WFIKKN2: variants seen among roughly 807,000 people sequenced by gnomAD.
WFIKKN2 encodes the protein WAP, follistatin/kazal, immunoglobulin, kunitz and netrin domain containing 2.
In WFIKKN2, 25 loss-of-function variants were observed where a neutral mutation model predicts 39.2. The observed-to-expected ratio is 0.64, with a 90% CI of 0.47 to 0.89. WFIKKN2 has a LOEUF of 0.89. Among genes scored for constraint, WFIKKN2 ranks in the 40% least tolerant of loss-of-function variants. WFIKKN2 has a pLI of 0.00. For synonymous variants in WFIKKN2, 345 were observed against 329.7 expected (o/e 1.05, Z -0.50); for missense variants, 770 against 811.7 (o/e 0.95, Z 0.62).
In WFIKKN2 at chr17:50,842,279, C is replaced by T. The variant is rs543714719; in HGVS notation, c.*1260C>T. 8.5e-5 allele frequency: 13 copies of T among 152,340 alleles called. No individual in the cohort carries two copies. Among genetic ancestry groups the T allele is most frequent in the African/African-American group, 3.1e-4 (13 of 41,542 alleles). The allele number at this position is 152,340 out of a possible 1,614,324, so 9.4% of individuals were successfully genotyped here. A position where few individuals can be genotyped will look rare whatever the true frequency, so the allele number is the denominator to read the frequency against. Reference sequence around the variant, plus strand: ...CTGCCCCTCCAAGCTGAAGAAGGTCCTTGTGGGGCGTCCTCATTTCTTCCT... The same window carrying T: ...CTGCCCCTCCAAGCTGAAGAAGGTCTTTGTGGGGCGTCCTCATTTCTTCCT... On this transcript the variant is annotated 3_prime_UTR_variant, in exon 2 of 2. Transcript: ENST00000311378.
At chr17:50,838,824 TC>T (rs1170061650) in intron 1 of WFIKKN2, among the ~76,000 whole-genome samples, 4 of 152,124 alleles carry the variant, frequency 2.6e-5, no homozygotes, top group African/African-American at 7.2e-5. Flanking sequence ...CAGCCTCTGT[TC>T]CCCGTGTGTG....
chr17:50,839,258 A>G (rs1377575840), intron 1 of WFIKKN2, among the ~76,000 whole-genome samples: 1 of 152,218 alleles, frequency 6.6e-6, no homozygotes, highest in East Asian at 1.9e-4. Context: ...GAGTGGAGAT[A>G]ATGGCTATAC....
intron 1 of WFIKKN2, among the ~76,000 whole-genome samples, chr17:50,837,554 C>T (rs1341380196): frequency 1.3e-5 from 2 of 152,226 alleles, no homozygotes; most frequent in Non-Finnish European, 2.9e-5. Context: ...CTGGCCAGCT[C>T]TGAGGGCAGC....
At chr17:50,835,290 C>T (rs995670325), upstream of WFIKKN2, 2 of 152,270 alleles carry the variant, frequency 1.3e-5, no homozygotes, top group Admixed American at 6.5e-5. Flanking sequence ...GCTGCAGGTC[C>T]CTCCTCGTAA....
In WFIKKN2 at chr17:50,839,587, AGGGCCCAGT is replaced by A; in HGVS notation, c.304_312del (p.Pro102_Gly104del). On this transcript the variant is annotated inframe_deletion, in exon 2 of 2. Coordinates refer to ENST00000311378, the MANE Select transcript of WFIKKN2 (RefSeq NM_175575.6). ...CGCTACATGGACGTGAAAGGGAAGA[AGGGCCCAGT>A]GGGCATGCCCAAGGAGGCCACATGT... The A allele has an allele frequency of 6.2e-7, 1 of 1,614,216 alleles. No individual in the cohort carries two copies. The highest frequency in any genetic ancestry group is 8.5e-7 in the Non-Finnish European group (1 of 1,180,034).
Position 50,835,887 on chromosome 17 carries a change from C to A in WFIKKN2, c.-51C>A. 1 of 1,575,050 alleles carries A rather than the reference C, an allele frequency of 6.3e-7. No homozygotes were observed. Among genetic ancestry groups the A allele is most frequent in the East Asian group, 2.3e-5 (1 of 44,104 alleles). ...CTGAGAAGAAGGCCCTGGTGGGCCC[C>A]AGACCCTGGCATCGTTTCAGGGGAG... On this transcript the variant is annotated 5_prime_UTR_variant, in exon 1 of 2. Coordinates refer to ENST00000311378, the MANE Select transcript of WFIKKN2 (RefSeq NM_175575.6).
In WFIKKN2 at chr17:50,841,150, G is replaced by GA; in HGVS notation, c.*136dup. On this transcript the variant is annotated 3_prime_UTR_variant, in exon 2 of 2. Coordinates refer to ENST00000311378, the MANE Select transcript of WFIKKN2 (RefSeq NM_175575.6). The stretch of plus-strand genomic sequence containing the variant: ...GGGAAACATCAACCGACGTGTCACA[G>GA]AAAAAGCCACAGAAGGTCTCAGATC... 1 of 953,886 alleles carries GA rather than the reference G, an allele frequency of 1.0e-6. No homozygotes were observed. The highest frequency in any genetic ancestry group is 2.4e-5 in the South Asian group (1 of 42,220). The allele number at this position is 953,886 out of a possible 1,614,324, so 59.1% of individuals were successfully genotyped here.
intron 1 of WFIKKN2, 148 bp downstream of exon 1, chr17:50,836,295 G>C (rs1200470145): frequency 1.0e-6 from 1 of 962,280 alleles, no homozygotes; most frequent in East Asian, 2.6e-5. Context: ...CAGGTGAGTG[G>C]TGTCCGGAAG....
At position 50,840,851 on chromosome 17, in the gene WFIKKN2, C is replaced by T. The variant is rs752151966; in HGVS notation, c.1563C>T (p.Thr521=). 40 of 1,611,000 alleles carry T rather than the reference C, an allele frequency of 2.5e-5. No homozygotes were observed. Among genetic ancestry groups the T allele is most frequent in the African/African-American group, 4.0e-5 (3 of 74,862 alleles). Residue 521 remains threonine (T), a synonymous_variant, in exon 2 of 2, where the codon ACC becomes ACT. Transcript: ENST00000311378. The part of the protein sequence containing the change: ...VDWACPCPNV[T]VSEMPLIIMG... ...GGGCATGCCCCTGCCCCAACGTGAC[C>T]GTGAGCGAGATGCCGCTCATCATCA... is the stretch of plus-strand genomic sequence containing the variant.
intron 1 of WFIKKN2, among the ~76,000 whole-genome samples, chr17:50,838,691 C>T (rs7207028): frequency 6.6e-6 from 1 of 152,004 alleles, no homozygotes; most frequent in Admixed American, 6.5e-5. Flanking sequence ...TTGCTTTTCC[C>T]GTGAAAGGTC....
chr17:50,835,778 G>A lies in WFIKKN2; in HGVS notation c.-160G>A. The A allele has an allele frequency of 4.0e-6, 3 of 740,842 alleles. No individual in the cohort carries two copies. The highest frequency in any genetic ancestry group is 6.5e-6 in the Non-Finnish European group (3 of 464,570). 45.9% of individuals were successfully genotyped at this position (740,842 alleles called of 1,614,324 possible). A position where few individuals can be genotyped will look rare whatever the true frequency, so the allele number is the denominator to read the frequency against. On this transcript the variant is annotated 5_prime_UTR_variant, in exon 1 of 2. It adds an upstream start codon to the 5' untranslated region. Transcript: ENST00000311378. ...CAGCCCGGCAGGCTGTGCTGACTTG[G>A]TGGAGGCAGCAGCGGCAGAGCAGCC...
rs200191688 is a variant in WFIKKN2, at chr17:50,839,825, C to T, written c.537C>T (p.Phe179=). 2 of 1,614,232 alleles carry T rather than the reference C, an allele frequency of 1.2e-6. No individual in the cohort carries two copies. Among genetic ancestry groups the T allele is most frequent in the East Asian group, 2.2e-5 (1 of 44,882 alleles). The part of the protein sequence containing the change: ...TLAVVTCRYH[F]TWPNTSPPPP... ...CCGTTGTAACCTGCCGCTATCACTT[C>T]ACCTGGCCCAACACCAGCCCCCCAC... Residue 179 remains phenylalanine (F), a synonymous_variant, in exon 2 of 2, where the codon TTC becomes TTT. Coordinates refer to ENST00000311378, the MANE Select transcript of WFIKKN2 (RefSeq NM_175575.6).
In WFIKKN2 at chr17:50,841,021, G is replaced by C. The variant is rs1567908809; in HGVS notation, c.*2G>C. On this transcript the variant is annotated 3_prime_UTR_variant, in exon 2 of 2. Transcript: ENST00000311378. Reference sequence around the variant, plus strand: ...AAGGAGTTTCTTGGCTTGCACTGAAGCCCCCCACCCCTCCCTGCCCCCTCC... The same window carrying C: ...AAGGAGTTTCTTGGCTTGCACTGAACCCCCCCACCCCTCCCTGCCCCCTCC... The C allele has an allele frequency of 6.6e-7, 1 of 1,525,194 alleles. No homozygotes were observed. Among genetic ancestry groups the C allele is most frequent in the East Asian group, 2.3e-5 (1 of 43,972 alleles). The allele number at this position is 1,525,194 out of a possible 1,614,324, so 94.5% of individuals were successfully genotyped here.
Position 50,840,205 on chromosome 17 carries a change from G to C in WFIKKN2, c.917G>C (p.Arg306Thr), listed in dbSNP as rs764225855. Residue 306 changes from arginine to threonine, a missense_variant, in exon 2 of 2, where the codon AGG becomes ACG. Arg to Thr is a moderately conservative substitution (Grantham distance 71). Coordinates refer to ENST00000311378, the MANE Select transcript of WFIKKN2 (RefSeq NM_175575.6). ...GCTGATTTCCCGCTGTCGGTGGTCA[G>C]GGGTCATCAGGCTGCAGCCACCTCA... ...LRADFPLSVVRGHQAAATSES... is the reference protein window; with the variant it reads ...LRADFPLSVVTGHQAAATSES... 38 of 1,613,588 alleles carry C rather than the reference G, an allele frequency of 2.4e-5. No homozygotes were observed. Among genetic ancestry groups the C allele is most frequent in the Admixed American group, 1.3e-4 (8 of 60,008 alleles).
Position 50,839,803 on chromosome 17 carries a change from T to C in WFIKKN2, c.515T>C (p.Val172Ala). The change falls in exon 2 of 2, where the codon GTT becomes GCT. Residue 172 changes from valine (V) to alanine (A), a missense_variant. By Grantham distance (64) the Val-to-Ala change is moderately conservative. Transcript: ENST00000311378. ...EACSKGITLAVVTCRYHFTWP... is the reference protein window; with the variant it reads ...EACSKGITLAAVTCRYHFTWP... ...TGCTCCAAAGGCATCACACTGGCCG[T>C]TGTAACCTGCCGCTATCACTTCACC... is the stretch of plus-strand genomic sequence containing the variant. 1 of 1,614,054 alleles carries C rather than the reference T, an allele frequency of 6.2e-7. No individual in the cohort carries two copies. The highest frequency in any genetic ancestry group is 8.5e-7 in the Non-Finnish European group (1 of 1,179,994).
Position 50,841,287 on chromosome 17 carries a change from A to G in WFIKKN2, c.*268A>G, listed in dbSNP as rs1053083796. Reference sequence around the variant, plus strand: ...TACTCGTGACCACCAGCTTGCTCAGATATTCTCCTCCTCCCCTCACTGGCC... The same window carrying G: ...TACTCGTGACCACCAGCTTGCTCAGGTATTCTCCTCCTCCCCTCACTGGCC... On this transcript the variant is annotated 3_prime_UTR_variant, in exon 2 of 2. Coordinates refer to ENST00000311378, the MANE Select transcript of WFIKKN2 (RefSeq NM_175575.6). The G allele has an allele frequency of 3.8e-5, 13 of 343,766 alleles. No homozygotes were observed. In the South Asian group the frequency reaches 1.1e-3, roughly 30 times the overall value. 21.3% of individuals were successfully genotyped at this position (343,766 alleles called of 1,614,324 possible). A position where few individuals can be genotyped will look rare whatever the true frequency, so the allele number is the denominator to read the frequency against.
In WFIKKN2 at chr17:50,835,697, G is replaced by A. The variant is rs116332245; in HGVS notation, c.-241G>A. 2,075 of 550,252 alleles carry A rather than the reference G, an allele frequency of 3.8e-3. 40 individuals are homozygous for A. The highest frequency in any genetic ancestry group is 0.036 in the African/African-American group (1,895 of 52,634). The allele number at this position is 550,252 out of a possible 1,614,324, so 34.1% of individuals were successfully genotyped here. Reference sequence around the variant, plus strand: ...GGCCCCTGCTGTGGCTCCTCTCCCTGCACACTCAGGAGAGGGAGCTTCCTT... The same window carrying A: ...GGCCCCTGCTGTGGCTCCTCTCCCTACACACTCAGGAGAGGGAGCTTCCTT... On this transcript the variant is annotated 5_prime_UTR_variant, in exon 1 of 2. Coordinates refer to ENST00000311378, the MANE Select transcript of WFIKKN2 (RefSeq NM_175575.6).
At position 50,839,956 on chromosome 17, in the gene WFIKKN2, T is replaced by C. The variant is rs750443141; in HGVS notation, c.668T>C (p.Met223Thr). The C allele has an allele frequency of 3.1e-6, 5 of 1,614,000 alleles. No individual in the cohort carries two copies. Among genetic ancestry groups the C allele is most frequent in the Admixed American group, 3.3e-5 (2 of 60,002 alleles). The change falls in exon 2 of 2, where the codon ATG (methionine) becomes ACG (threonine). Residue 223 changes from methionine (M) to threonine (T), a missense_variant. Physicochemically the swap from Met to Thr is moderately conservative, Grantham distance 81 (BLOSUM62 -1). Coordinates refer to ENST00000311378, the MANE Select transcript of WFIKKN2 (RefSeq NM_175575.6). ...AACCCTGTGCACCAGTCGGTCACCATGGGTGAGACAGTGAGCTTCCTCTGT... is the reference window on the plus strand; with the variant it reads ...AACCCTGTGCACCAGTCGGTCACCACGGGTGAGACAGTGAGCTTCCTCTGT... ...LNNPVHQSVTMGETVSFLCDV... is the reference protein window; with the variant it reads ...LNNPVHQSVTTGETVSFLCDV...
chr17:50,841,073 A>C lies in WFIKKN2; in HGVS notation c.*54A>C. 2 of 1,367,026 alleles carry C rather than the reference A, an allele frequency of 1.5e-6. No homozygotes were observed. 84.7% of individuals were successfully genotyped at this position (1,367,026 alleles called of 1,614,324 possible). On this transcript the variant is annotated 3_prime_UTR_variant, in exon 2 of 2. Transcript: ENST00000311378. ...TGGCCTTCTTCCACCTATCCACCCC[A>C]ATGCCTCTCAGCAAACTGGGCGAGG... is the stretch of plus-strand genomic sequence containing the variant.
Sources: gnomAD v4.1 joint callset for allele counts (sites outside exome capture counted in the v4.1 genomes callset) on GRCh38, gnomAD v4.1.1 for gene constraint, MANE v1.5 for transcripts, NCBI Gene and HGNC (gene_info 2026-07-23, HGNC 2026-07-21) for gene names.